ANKIB1: variants seen among roughly 807,000 people sequenced by gnomAD.
ANKIB1 encodes ankyrin repeat and IBR domain-containing protein 1.
Under a neutral mutation model 122.1 loss-of-function variants are expected in ANKIB1, and 43 were observed. That is an observed-to-expected ratio of 0.35 (90% CI 0.28 to 0.45). ANKIB1 has a LOEUF of 0.45. Ranked by LOEUF, ANKIB1 falls within the 20% of genes least tolerant of loss-of-function variation. The probability of loss-of-function intolerance (pLI) is 1.00; values close to 1 mark genes in which losing one functional copy is unlikely to be tolerated. For synonymous variants in ANKIB1, 390 were observed against 442.0 expected, an observed-to-expected ratio of 0.88 and a Z score of 1.48; for missense variants, 992 against 1,329.5, an observed-to-expected ratio of 0.75 and a Z score of 3.95.
chr7:92,287,013 C>T (rs1445742632), intron 1 of ANKIB1, among the ~76,000 whole-genome samples: 1 of 152,160 alleles, frequency 6.6e-6, no homozygotes, highest in Non-Finnish European at 1.5e-5. Context: ...TCATGCCTTC[C>T]TACAGTCTCT....
chr7:92,337,155 A>G (rs572010515), intron 5 of ANKIB1, among the ~76,000 whole-genome samples: 1 of 152,318 alleles, frequency 6.6e-6, no homozygotes, highest in African/African-American at 2.4e-5. Context: ...TCAGTCACCA[A>G]TTCGTCCTTT....
intron 1 of ANKIB1, among the ~76,000 whole-genome samples, chr7:92,254,697 G>A (rs1801400226): frequency 6.6e-6 from 1 of 152,052 alleles, no homozygotes; most frequent in South Asian, 2.1e-4. Context: ...TTACTAATAT[G>A]TTGGTGTTCT....
At chr7:92,358,024 C>T (rs371513104) in intron 9 of ANKIB1, among the ~76,000 whole-genome samples, 42 of 152,166 alleles carry the variant, frequency 2.8e-4, no homozygotes, top group Middle Eastern at 3.4e-3. Context: ...GGGCATATCA[C>T]AAGGTCAGGA....
chr7:92,248,888 C>CTTTTTTTTTTTT (rs778549860), intron 1 of ANKIB1, among the ~76,000 whole-genome samples: 3 of 123,040 alleles, frequency 2.4e-5, no homozygotes, highest in Non-Finnish European at 3.3e-5. Flanking sequence ...TCTTTTCTTT[C>CTTTTTTTTTTTT]TTTTTTTTTT....
chr7:92,389,161 T>C (rs10263485), intron 14 of ANKIB1, among the ~76,000 whole-genome samples: 3,665 of 152,182 alleles, frequency 0.024, 159 homozygotes, highest in African/African-American at 0.084. Flanking sequence ...ATACAGCAAT[T>C]GCAAAGGAAG....
rs1803468000 is a variant in ANKIB1, at chr7:92,342,992, T to C, written c.788-32T>C. Reference sequence around the variant, plus strand: ...TTTATAACATTACCATATTTTCTTTTTTGAGAGCTATCCATTCCATTTTTC... The same window carrying C: ...TTTATAACATTACCATATTTTCTTTCTTGAGAGCTATCCATTCCATTTTTC... On this transcript the variant is annotated intron_variant, in intron 5 of 19. Coordinates refer to ENST00000265742, the MANE Select transcript of ANKIB1 (RefSeq NM_019004.2). The C allele has an allele frequency of 6.3e-6, 10 of 1,589,652 alleles. 1 individual carries two copies. In the Admixed American group the frequency reaches 1.5e-4, roughly 24 times the overall value.
chr7:92,383,651 C>A (rs915781202), intron 11 of ANKIB1, among the ~76,000 whole-genome samples: 1 of 152,194 alleles, frequency 6.6e-6, no homozygotes, highest in Non-Finnish European at 1.5e-5. Context: ...ACATGATCAT[C>A]TCAATAGATG....
intron 6 of ANKIB1, 113 bp from the exon 7 acceptor site, chr7:92,344,865 A>C (rs1803508180): frequency 2.6e-6 from 2 of 782,284 alleles, no homozygotes; most frequent in Admixed American, 2.6e-5. Context: ...GTAACTTTCA[A>C]AAACTTTTAA....
At chr7:92,341,486 G>A (rs542388115) in intron 5 of ANKIB1, among the ~76,000 whole-genome samples, 3 of 149,154 alleles carry the variant, frequency 2.0e-5, no homozygotes, top group South Asian at 4.2e-4. Context: ...TTGCAACCTC[G>A]TTGTGGCAAA....
At position 92,263,683 on chromosome 7, in the gene ANKIB1, G is replaced by A. The variant is rs183180606; in HGVS notation, c.-91+17164G>A. 2.4e-3 allele frequency among the ~76,000 whole-genome samples: 367 copies of A among 152,206 alleles called. 3 individuals are homozygous for A. Among genetic ancestry groups the A allele is most frequent in the African/African-American group, 8.1e-3 (338 of 41,546 alleles). On this transcript the variant is annotated intron_variant, in intron 1 of 19. Coordinates refer to ENST00000265742, the MANE Select transcript of ANKIB1 (RefSeq NM_019004.2). ...AGTGTAAAAAAGTTGCTGAAACACC[G>A]AAGTATGATAGATTGGGTTCTGGCT...
chr7:92,332,113 C>G (rs957188400), intron 5 of ANKIB1, among the ~76,000 whole-genome samples: 1 of 152,064 alleles, frequency 6.6e-6, no homozygotes, highest in Admixed American at 6.5e-5. Context: ...AAGCATTGTT[C>G]TGTATTTCAT....
intron 1 of ANKIB1, among the ~76,000 whole-genome samples, chr7:92,275,788 C>A (rs1181608971): frequency 6.6e-6 from 1 of 152,102 alleles, no homozygotes; most frequent in Non-Finnish European, 1.5e-5. Context: ...ATAATGAAAC[C>A]ACCAACTCAC....
intron 9 of ANKIB1, 113 bp downstream of exon 9, chr7:92,352,755 C>A: frequency 8.9e-7 from 1 of 1,117,470 alleles, no homozygotes. Context: ...TAGTATTCTT[C>A]TTAATTTAAG....
chr7:92,267,873 A>G (rs1204789495), intron 1 of ANKIB1, among the ~76,000 whole-genome samples: 1 of 152,124 alleles, frequency 6.6e-6, no homozygotes, highest in African/African-American at 2.4e-5. Context: ...TGGTATAGGA[A>G]TGGGTTAAGA....
intron 5 of ANKIB1, among the ~76,000 whole-genome samples, chr7:92,336,946 G>A (rs1309652866): frequency 6.6e-6 from 1 of 152,114 alleles, no homozygotes; most frequent in East Asian, 1.9e-4. Context: ...ACCTTTATCA[G>A]AAGTAGAACT....
chr7:92,380,941 G>A (rs1326965991), intron 11 of ANKIB1, among the ~76,000 whole-genome samples: 3 of 152,134 alleles, frequency 2.0e-5, no homozygotes, highest in Admixed American at 6.6e-5. Context: ...CAGAAAGTTG[G>A]TAATAACAAA....
rs1233462855 is a variant in ANKIB1, at chr7:92,345,055, A to T, written c.1074A>T (p.Gly358=). The change falls in exon 7 of 20, where the codon GGA becomes GGT. Residue 358 remains glycine (G), a synonymous_variant. Transcript: ENST00000265742. ...CCTGTGGACATGACTTTTGTAGAGG[A>T]TGTTGGGAGTCGTGAGTATATGAGC... ...DMPCGHDFCR[G]CWESFLNLKI... is the part of the protein sequence containing the mutation. 6.2e-7 allele frequency: 1 copy of T among 1,612,352 alleles called. No homozygotes were observed. The highest frequency in any genetic ancestry group is 8.5e-7 in the Non-Finnish European group (1 of 1,178,760).
intron 10 of ANKIB1, 101 bp from the exon 11 acceptor site, chr7:92,371,376 T>C: frequency 1.0e-6 from 1 of 981,214 alleles, no homozygotes; most frequent in South Asian, 1.7e-5. Flanking sequence ...TTTATTAAAA[T>C]TGAGAGACAG....
intron 1 of ANKIB1, among the ~76,000 whole-genome samples, chr7:92,289,312 G>C (rs1328150895): frequency 1.3e-5 from 2 of 152,146 alleles, no homozygotes; most frequent in Admixed American, 6.5e-5. Flanking sequence ...AAGCCTTACA[G>C]TGTTCATCTG....
Sources: gnomAD v4.1 joint callset for allele counts (sites outside exome capture counted in the v4.1 genomes callset) on GRCh38, gnomAD v4.1.1 for gene constraint, MANE v1.5 for transcripts, NCBI Gene and HGNC (gene_info 2026-07-23, HGNC 2026-07-21) for gene names.